Variants in CHD5 observed in about 807,000 individuals in gnomAD.
CHD5 encodes chromodomain helicase DNA binding protein 5.
A neutral mutation model predicts 230.3 loss-of-function variants in CHD5; 69 were observed. The observed-to-expected ratio is 0.30, with a 90% CI of 0.25 to 0.37. The LOEUF is 0.37. Among genes scored for constraint, CHD5 ranks in the 10% least tolerant of loss-of-function variants. The pLI is 1.00. For synonymous variants in CHD5, 1,064 were observed against 1,065.9 expected (o/e 1.00, Z 0.03); for missense variants, 1,827 against 2,622.8 (o/e 0.70, Z 6.63).
At chr1:6,135,701 C>T (rs539686920) in intron 17 of CHD5, among the ~76,000 whole-genome samples, 1 of 152,260 alleles carries the variant, frequency 6.6e-6, no homozygotes, top group South Asian at 2.1e-4. Flanking sequence ...TGATACAGTC[C>T]AGCTGTGCCA....
rs935721466 is a variant in CHD5 at position 6,105,536 on chromosome 1, C to T, written c.*47-109G>A. The T allele has an allele frequency of 2.2e-5, 8 of 359,274 alleles. No homozygotes were observed. Among genetic ancestry groups the T allele is most frequent in the Admixed American group, 3.8e-5 (1 of 26,234 alleles). 22.3% of individuals were successfully genotyped at this position (359,274 alleles called of 1,614,324 possible). A position where few individuals can be genotyped will look rare whatever the true frequency, so the allele number is the denominator to read the frequency against. On this transcript the variant is annotated intron_variant, in intron 41 of 41. Transcript: ENST00000262450. This position sits in a 1 kb window ranked among gnomAD's most constrained non-coding sequence, Gnocchi z 4.8. ...TCCACCTATCACAACCAACTATGATCGGGGTGCCCCCCAGCCATGACCTCC... is the reference window on the plus strand; with the variant it reads ...TCCACCTATCACAACCAACTATGATTGGGGTGCCCCCCAGCCATGACCTCC...
intron 2 of CHD5, among the ~76,000 whole-genome samples, chr1:6,162,974 G>C (rs1398568840): frequency 6.6e-6 from 1 of 152,318 alleles, no homozygotes; most frequent in East Asian, 1.9e-4. Context: ...AAGGAGGGAG[G>C]GATAGGGAGG....
In CHD5 at chr1:6,149,259, C is replaced by A; in HGVS notation, c.1148G>T (p.Ser383Ile). ...GCCAAGGCTTACACAGTGGGGGCAG[C>A]TCCACTTGCCCTCGGGAGCCTTCTC... ...ELEKAPEGKW[S>I]CPHCEKEGIQ... The change falls in exon 8 of 42, where the codon AGC (serine) becomes ATC (isoleucine). Residue 383 changes from serine (S) to isoleucine (I), a missense_variant. Coordinates refer to ENST00000262450, the MANE Select transcript of CHD5 (RefSeq NM_015557.3). 1 of 1,606,790 alleles carries A rather than the reference C, an allele frequency of 6.2e-7. No individual in the cohort carries two copies. The highest frequency in any genetic ancestry group is 8.5e-7 in the Non-Finnish European group (1 of 1,176,134).
At chr1:6,127,212 G>C (rs1031452535) in intron 25 of CHD5, 1 of 168,928 alleles carries the variant, frequency 5.9e-6, no homozygotes. Flanking sequence ...GGTGGACCAG[G>C]CGTGGTGGCT....
chr1:6,179,786 G>A (rs1455874885), intron 1 of CHD5, among the ~76,000 whole-genome samples, 159 bp downstream of exon 1: 2 of 145,980 alleles, frequency 1.4e-5, no homozygotes, highest in East Asian at 4.0e-4. Context: ...TTGGCCGCGC[G>A]GCGCCAGCAG....
In CHD5 at chr1:6,109,896, T is replaced by C; in HGVS notation, c.5477A>G (p.Asn1826Ser). The change falls in exon 38 of 42, where the codon AAC (asparagine) becomes AGC (serine). Residue 1826 changes from asparagine to serine, a missense_variant. Physicochemically the swap from Asn to Ser is conservative, Grantham distance 46. Transcript: ENST00000262450. Reference sequence around the variant, plus strand: ...GCACTCCACTTCAGCCAGGCGGGCGTTGAGGGCCATGGCGGGGTGGTTGGG... The same window carrying C: ...GCACTCCACTTCAGCCAGGCGGGCGCTGAGGGCCATGGCGGGGTGGTTGGG... ...QDPNHPAMALNARLAEVECLA... is the reference protein window; with the variant it reads ...QDPNHPAMALSARLAEVECLA... 6.2e-7 allele frequency: 1 copy of C among 1,612,190 alleles called. No homozygotes were observed. The highest frequency in any genetic ancestry group is 8.5e-7 in the Non-Finnish European group (1 of 1,179,350).
chr1:6,158,654 G>A (rs1466678823), intron 3 of CHD5, among the ~76,000 whole-genome samples: 3 of 152,190 alleles, frequency 2.0e-5, no homozygotes, highest in Non-Finnish European at 2.9e-5. Flanking sequence ...CAGGCTGGGC[G>A]CAGTGGCTCA....
At chr1:6,179,867 GCC>G in intron 1 of CHD5, 76 bp downstream of exon 1, 1 of 591,004 alleles carries the variant, frequency 1.7e-6, no homozygotes, top group Non-Finnish European at 1.9e-6. Context: ...CGCCCCCGCC[GCC>G]CGCGCTCCGC....
chr1:6,116,289 A>G (rs1257048481), intron 33 of CHD5, among the ~76,000 whole-genome samples: 1 of 152,218 alleles, frequency 6.6e-6, no homozygotes, highest in Non-Finnish European at 1.5e-5. Context: ...TGGATGAATG[A>G]ACCAATCAAT....
At chr1:6,150,468 G>A (rs1163701219) in intron 7 of CHD5, among the ~76,000 whole-genome samples, 4 of 94,124 alleles carry the variant, frequency 4.2e-5, no homozygotes, top group East Asian at 1.1e-3. Context: ...ATGGATGGAC[G>A]GACGGACGGA....
chr1:6,110,255 G>T, intron 37 of CHD5, 139 bp downstream of exon 37: 1 of 999,152 alleles, frequency 1.0e-6, no homozygotes. Context: ...TTAGTTGATG[G>T]ACATACTGCT....
intron 33 of CHD5, among the ~76,000 whole-genome samples, chr1:6,118,154 T>C (rs544952654): frequency 8.5e-5 from 13 of 152,132 alleles, no homozygotes; most frequent in East Asian, 5.8e-4. Flanking sequence ...GGTGGGAGGA[T>C]TGCTTGAGTC....
rs768758184 is a variant in CHD5, at chr1:6,128,148, G to A, written c.3801C>T (p.Asp1267=). The change falls in exon 25 of 42, where the codon GAC becomes GAT. Residue 1267 remains aspartate, a synonymous_variant. Transcript: ENST00000262450. This position sits in a 1 kb window ranked among gnomAD's most constrained non-coding sequence, Gnocchi z 7.8. ...TGTCATCTGTAGCGTCCTGGTTCCG[G>A]TCCAGCAGCTTGGAGATGGCCGCAT... ...YDDAAISKLL[D]RNQDATDDTE... 1.9e-6 allele frequency: 3 copies of A among 1,614,028 alleles called. No individual in the cohort carries two copies. Among genetic ancestry groups the A allele is most frequent in the Middle Eastern group, 1.6e-4 (1 of 6,084 alleles).
rs544540352 is a variant in CHD5, at chr1:6,121,408, C to T, written c.4779+86G>A. The T allele has an allele frequency of 6.1e-6, 9 of 1,485,220 alleles. No homozygotes were observed. In the African/African-American group the frequency reaches 6.9e-5, roughly 11 times the overall value. 92.0% of individuals were successfully genotyped at this position (1,485,220 alleles called of 1,614,324 possible). A position where few individuals can be genotyped will look rare whatever the true frequency, so the allele number is the denominator to read the frequency against. ...AGGGAGCCAGGAGGCCTGGGTTCCA[C>T]CTCGCTGTACAGGGCCTGAGAAGGT... is the stretch of plus-strand genomic sequence containing the variant. On this transcript the variant is annotated intron_variant, in intron 32 of 41. Transcript: ENST00000262450. The surrounding 1 kb of genome is among the most constrained non-coding windows in gnomAD (Gnocchi z 4.5).
chr1:6,111,813 G>T lies in CHD5; in HGVS notation c.5211C>A (p.His1737Gln). The T allele has an allele frequency of 1.2e-6, 2 of 1,613,550 alleles. 1 individual carries two copies. Among genetic ancestry groups the T allele is most frequent in the South Asian group, 2.2e-5 (2 of 91,082 alleles). The change falls in exon 36 of 42, where the codon CAC (histidine) becomes CAA (glutamine). Residue 1737 changes from histidine (H) to glutamine (Q), a missense_variant. His to Gln is a conservative substitution (Grantham distance 24). Transcript: ENST00000262450. ...CCAGCAGCCAGTAGTCATGGCGCCGGTGCCAGATGTCGTAGATTTTCCCAG... is the reference window on the plus strand; with the variant it reads ...CCAGCAGCCAGTAGTCATGGCGCCGTTGCCAGATGTCGTAGATTTTCCCAG... ...VSSGKIYDIW[H>Q]RRHDYWLLAG...
chr1:6,116,105 C>T (rs1380049751), intron 33 of CHD5, among the ~76,000 whole-genome samples: 1 of 152,192 alleles, frequency 6.6e-6, no homozygotes, highest in Admixed American at 6.5e-5. Context: ...TTGAACAACA[C>T]GTATTTCTGT....
rs139382012 is a variant in CHD5 at position 6,131,327 on chromosome 1, T to A, written c.3262+304A>T. On this transcript the variant is annotated intron_variant, in intron 21 of 41. Transcript: ENST00000262450. The surrounding 1 kb of genome is among the most constrained non-coding windows in gnomAD (Gnocchi z 5.0). ...CTGTACCTTCTGCCACCATTCACCA[T>A]ACGGCAGGCTCTGTCCAACACCACT... Among the ~76,000 whole-genome samples, 1 of 152,184 alleles carries A rather than the reference T, an allele frequency of 6.6e-6. No individual in the cohort carries two copies. The highest frequency in any genetic ancestry group is 2.4e-5 in the African/African-American group (1 of 41,458).
intron 1 of CHD5, among the ~76,000 whole-genome samples, chr1:6,178,410 T>G (rs1011620760): frequency 6.6e-6 from 1 of 151,964 alleles, no homozygotes; most frequent in African/African-American, 2.4e-5. Flanking sequence ...ATGCCACTGA[T>G]CCCACAAAAG....
intron 15 of CHD5, among the ~76,000 whole-genome samples, chr1:6,140,518 C>T (rs1666810908): frequency 6.6e-6 from 1 of 152,104 alleles, no homozygotes; most frequent in Non-Finnish European, 1.5e-5. Flanking sequence ...ACCATGAGAC[C>T]TCATGCTTAT....
Sources: allele counts gnomAD v4.1 joint callset (sites outside exome capture counted in the v4.1 genomes callset), GRCh38; gene constraint gnomAD v4.1.1; non-coding constraint Gnocchi (gnomAD v3.1); transcripts MANE v1.5; gene names NCBI Gene and HGNC (gene_info 2026-07-23, HGNC 2026-07-21).